Variants in FLRT2 observed in about 807,000 individuals in gnomAD.
FLRT2 encodes fibronectin leucine rich transmembrane protein 2, also known as leucine-rich repeat transmembrane protein FLRT2.
Under a neutral mutation model 40.0 loss-of-function variants are expected in FLRT2, and 15 were observed. The ratio of observed to expected loss-of-function variants is 0.38; its 90% CI spans 0.25 to 0.58. FLRT2 has a LOEUF of 0.58. Ranked by LOEUF, FLRT2 falls within the 20% of genes least tolerant of loss-of-function variation. The probability of loss-of-function intolerance (pLI) is 0.71; values close to 1 mark genes in which losing one functional copy is unlikely to be tolerated. For missense variants in FLRT2, 726 were observed against 840.0 expected (o/e 0.86, Z 1.68); for synonymous variants, 380 against 336.8 (o/e 1.13, Z -1.41).
At chr14:85,540,259 C>G (rs1158039868) in intron 1 of FLRT2, among the ~76,000 whole-genome samples, 4 of 152,170 alleles carry the variant, frequency 2.6e-5, no homozygotes, top group Non-Finnish European at 5.9e-5. Context: ...GGCAAACCTC[C>G]TCAACCCATT....
At chr14:85,539,104 G>A (rs566823160) in intron 1 of FLRT2, among the ~76,000 whole-genome samples, 271 of 152,080 alleles carry the variant, frequency 1.8e-3, no homozygotes, top group African/African-American at 6.2e-3. Flanking sequence ...GAGCACATTC[G>A]TATCCACCCT....
At chr14:85,563,476 G>A (rs752052481) in intron 1 of FLRT2, among the ~76,000 whole-genome samples, 2 of 152,178 alleles carry the variant, frequency 1.3e-5, no homozygotes, top group African/African-American at 2.4e-5. Context: ...GGCTGGGGAG[G>A]CCTCAGGAAA....
intron 1 of FLRT2, among the ~76,000 whole-genome samples, chr14:85,583,166 A>C (rs1465638731): frequency 6.6e-6 from 1 of 152,240 alleles, no homozygotes; most frequent in Non-Finnish European, 1.5e-5. Context: ...GGCAGGGATC[A>C]ACTCTGAAGG....
chr14:85,596,148 G>T (rs1448885238), intron 1 of FLRT2, among the ~76,000 whole-genome samples: 2 of 152,198 alleles, frequency 1.3e-5, no homozygotes, highest in Non-Finnish European at 2.9e-5. Flanking sequence ...CCTGCATAGG[G>T]CAAGGAGGCT....
intron 1 of FLRT2, among the ~76,000 whole-genome samples, chr14:85,543,712 C>A (rs980064568): frequency 6.6e-6 from 1 of 152,046 alleles, no homozygotes; most frequent in Non-Finnish European, 1.5e-5. Context: ...TGAGGCATGG[C>A]CCTCTTGATA....
intron 1 of FLRT2, among the ~76,000 whole-genome samples, chr14:85,577,591 T>A (rs567411237): frequency 6.6e-6 from 1 of 152,126 alleles, no homozygotes; most frequent in South Asian, 2.1e-4. Context: ...CTGATTATTT[T>A]TTTTTTTTCT....
At chr14:85,566,549 T>TTTTGTGTGTGTGTGTGTG (rs1555366636) in intron 1 of FLRT2, among the ~76,000 whole-genome samples, 1 of 130,826 alleles carries the variant, frequency 7.6e-6, no homozygotes, top group African/African-American at 2.6e-5. Flanking sequence ...ACTTCCATGG[T>TTTTGTGTGTGTGTGTGTG]TGTGTGTGTG....
intron 1 of FLRT2, among the ~76,000 whole-genome samples, chr14:85,575,333 A>T (rs1221172901): frequency 6.6e-6 from 1 of 150,904 alleles, no homozygotes; most frequent in African/African-American, 2.5e-5. Flanking sequence ...TAGTTCTTAC[A>T]ACATTTTTTT....
chr14:85,625,412 A>G lies in FLRT2; in HGVS notation c.*1915A>G, dbSNP rs148646669. The G allele has an allele frequency of 4.0e-3, 670 of 167,074 alleles. 2 individuals carry two copies. Among genetic ancestry groups the G allele is most frequent in the Admixed American group, 7.0e-3 (107 of 15,298 alleles). 10.3% of individuals were successfully genotyped at this position (167,074 alleles called of 1,614,324 possible). The stretch of plus-strand genomic sequence containing the variant: ...TATAGTAAGAGCTTTATTTTCTTTA[A>G]TAATATAGCCCAACTTATATGTTTT... On this transcript the variant is annotated 3_prime_UTR_variant, in exon 2 of 2. Coordinates refer to ENST00000330753, the MANE Select transcript of FLRT2 (RefSeq NM_013231.6).
intron 1 of FLRT2, among the ~76,000 whole-genome samples, chr14:85,609,765 G>T (rs1892779084): frequency 6.6e-6 from 1 of 152,202 alleles, no homozygotes; most frequent in African/African-American, 2.4e-5. Flanking sequence ...GTGAGACAGG[G>T]TCACCTCTCG....
chr14:85,558,366 A>G (rs1220410861), intron 1 of FLRT2, among the ~76,000 whole-genome samples: 1 of 152,208 alleles, frequency 6.6e-6, no homozygotes, highest in Non-Finnish European at 1.5e-5. Context: ...GATAAAAGAA[A>G]AACCGAGTAG....
At position 85,637,210 on chromosome 14, in the gene FLRT2, A is replaced by G. The variant is rs1260876973; in HGVS notation, c.*13713A>G. The G allele has an allele frequency of 6.6e-6, 1 of 152,194 alleles. No individual in the cohort carries two copies. 9.4% of individuals were successfully genotyped at this position (152,194 alleles called of 1,614,324 possible). A position where few individuals can be genotyped will look rare whatever the true frequency, so the allele number is the denominator to read the frequency against. ...TTTCATCTAGACAAAGAAGTTATTAAAAGCATTAACAAGTAGTTGAAAATA... is the reference window on the plus strand; with the variant it reads ...TTTCATCTAGACAAAGAAGTTATTAGAAGCATTAACAAGTAGTTGAAAATA... On this transcript the variant is annotated 3_prime_UTR_variant, in exon 2 of 2. Coordinates refer to ENST00000330753, the MANE Select transcript of FLRT2 (RefSeq NM_013231.6).
intron 1 of FLRT2, among the ~76,000 whole-genome samples, chr14:85,533,659 A>G (rs1888444229): frequency 6.6e-6 from 1 of 152,072 alleles, no homozygotes; most frequent in Non-Finnish European, 1.5e-5. Context: ...GGCCGAAGCC[A>G]AGAGAAAGTG....
intron 1 of FLRT2, among the ~76,000 whole-genome samples, chr14:85,549,273 A>G (rs1001301777): frequency 6.6e-6 from 1 of 152,174 alleles, no homozygotes; most frequent in Admixed American, 6.5e-5. Flanking sequence ...CTAAAAGAGT[A>G]CACTGTAACA....
chr14:85,629,631 A>G lies in FLRT2; in HGVS notation c.*6134A>G, dbSNP rs1378504468. Reference sequence around the variant, plus strand: ...TAGTCTATAGCTACAAATCCTGTAAATGGCAGAGTCAGGAATTACCACTGA... The same window carrying G: ...TAGTCTATAGCTACAAATCCTGTAAGTGGCAGAGTCAGGAATTACCACTGA... On this transcript the variant is annotated 3_prime_UTR_variant, in exon 2 of 2. Transcript: ENST00000330753. The G allele has an allele frequency of 5.9e-5, 9 of 152,184 alleles. No individual in the cohort carries two copies. The allele number at this position is 152,184 out of a possible 1,614,324, so 9.4% of individuals were successfully genotyped here. A position where few individuals can be genotyped will look rare whatever the true frequency, so the allele number is the denominator to read the frequency against.
At position 85,621,682 on chromosome 14, in the gene FLRT2, A is replaced by G. The variant is rs1210769503; in HGVS notation, c.168A>G (p.Ser56=). The G allele has an allele frequency of 4.3e-6, 7 of 1,613,974 alleles. No individual in the cohort carries two copies. The highest frequency in any genetic ancestry group is 1.7e-5 in the Admixed American group (1 of 59,988). ...ACTGTAATGAGCGAAGCTTGACCTC[A>G]GTGCCTCTTGGGATCCCGGAGGGCG... is the stretch of plus-strand genomic sequence containing the variant. The part of the protein sequence containing the change: ...FVYCNERSLT[S]VPLGIPEGVT... The change falls in exon 2 of 2, where the codon TCA becomes TCG. Residue 56 remains serine, a synonymous_variant. Coordinates refer to ENST00000330753, the MANE Select transcript of FLRT2 (RefSeq NM_013231.6).
In FLRT2 at chr14:85,616,445, A is replaced by G. The variant is rs371630151; in HGVS notation, c.-376-4694A>G. 7.9e-5 allele frequency among the ~76,000 whole-genome samples: 12 copies of G among 152,230 alleles called. No individual in the cohort carries two copies. The South Asian group carries it at 1.4e-3, about 18-fold the overall frequency. On this transcript the variant is annotated intron_variant, in intron 1 of 1. Coordinates refer to ENST00000330753, the MANE Select transcript of FLRT2 (RefSeq NM_013231.6). ...TGATTTTGAAACATGAGTTCGTTTA[A>G]TATCTTCTAGAAGCACGACTACCTC... is the stretch of plus-strand genomic sequence containing the variant.
chr14:85,532,741 G>A (rs1344393542), intron 1 of FLRT2, among the ~76,000 whole-genome samples: 2 of 152,174 alleles, frequency 1.3e-5, no homozygotes, highest in Non-Finnish European at 2.9e-5. Context: ...ATGGGGTGAG[G>A]AGTGGGGGGC....
chr14:85,532,125 C>G (rs372612718), intron 1 of FLRT2, among the ~76,000 whole-genome samples: 1 of 152,256 alleles, frequency 6.6e-6, no homozygotes, highest in African/African-American at 2.4e-5. Flanking sequence ...GGGGCGCGTC[C>G]GGAAATCATC....
Sources: allele counts gnomAD v4.1 joint callset (sites outside exome capture counted in the v4.1 genomes callset), GRCh38; gene constraint gnomAD v4.1.1; transcripts MANE v1.5; gene names NCBI Gene and HGNC (gene_info 2026-07-23, HGNC 2026-07-21).